The following HPSE2 variants were observed in gnomAD, a reference collection of about 807,000 sequenced individuals.
The protein encoded by HPSE2 is heparanase 2 (inactive).
In HPSE2, 38 loss-of-function variants were observed where a neutral mutation model predicts 60.5. The observed-to-expected ratio is 0.63, with a 90% CI of 0.48 to 0.82. The LOEUF is 0.82. Ranked by LOEUF, HPSE2 falls within the 40% of genes least tolerant of loss-of-function variation. HPSE2 has a pLI of 0.00. For synonymous variants in HPSE2, 295 were observed against 293.2 expected, an observed-to-expected ratio of 1.01 and a Z score of -0.06; for missense variants, 713 against 740.4, an observed-to-expected ratio of 0.96 and a Z score of 0.43.
At chr10:98,474,189 A>G (rs1220401062) in intron 11 of HPSE2, among the ~76,000 whole-genome samples, 1 of 152,204 alleles carries the variant, frequency 6.6e-6, no homozygotes, top group Non-Finnish European at 1.5e-5. Context: ...CCCAGAAACA[A>G]GTCTTCATAT....
At chr10:98,804,890 A>G (rs2134544132) in intron 3 of HPSE2, among the ~76,000 whole-genome samples, 1 of 152,294 alleles carries the variant, frequency 6.6e-6, no homozygotes, top group African/African-American at 2.4e-5. Context: ...CCAAGTGTCC[A>G]TAACATATAA....
At chr10:99,124,718 C>T (rs935323229) in intron 3 of HPSE2, among the ~76,000 whole-genome samples, 2 of 152,272 alleles carry the variant, frequency 1.3e-5, no homozygotes, top group African/African-American at 2.4e-5. Context: ...CAGGAGTAGG[C>T]ACTTCCGAGC....
At chr10:98,931,414 C>T (rs1230118203) in intron 3 of HPSE2, among the ~76,000 whole-genome samples, 1 of 144,042 alleles carries the variant, frequency 6.9e-6, no homozygotes. Context: ...ATGCCTCTGG[C>T]TTTGTTCTTT....
chr10:99,098,973 T>A (rs1410901538), intron 3 of HPSE2, among the ~76,000 whole-genome samples: 1 of 152,198 alleles, frequency 6.6e-6, no homozygotes, highest in Non-Finnish European at 1.5e-5. Context: ...ATCTCCTTTT[T>A]TTCAAAGCTT....
At chr10:98,534,719 G>T (rs1421421216) in intron 9 of HPSE2, among the ~76,000 whole-genome samples, 1 of 152,072 alleles carries the variant, frequency 6.6e-6, no homozygotes, top group African/African-American at 2.4e-5. Flanking sequence ...CATTAGTTTT[G>T]GCATCAAATA....
At chr10:99,239,418 GTTTTTTTTTT>G (rs760549054), upstream of HPSE2, among the ~76,000 whole-genome samples, 2 of 100,404 alleles carry the variant, frequency 2.0e-5, no homozygotes, top group East Asian at 2.6e-4. Context: ...GTTTGTCAAG[GTTTTTTTTTT>G]TTTTTTTTTT....
Position 98,707,135 on chromosome 10 carries a change from G to T in HPSE2, c.957-13188C>A, listed in dbSNP as rs182956493. Among the ~76,000 whole-genome samples, 171 of 151,854 alleles carry T rather than the reference G, an allele frequency of 1.1e-3. 3 individuals are homozygous for T. The highest frequency in any genetic ancestry group is 3.8e-3 in the African/African-American group (159 of 41,468). On this transcript the variant is annotated intron_variant, in intron 5 of 11. Transcript: ENST00000370552. ...GGCCCACTTTAGAAACACTGTTGGT[G>T]TGCTCAAGAGAAAGAAGGGAATGCC...
At chr10:98,531,889 A>T (rs1276341093) in intron 9 of HPSE2, among the ~76,000 whole-genome samples, 2 of 152,120 alleles carry the variant, frequency 1.3e-5, no homozygotes, top group Admixed American at 1.3e-4. Context: ...ACAAATGGGG[A>T]TCATAATACC....
chr10:98,877,237 A>G (rs555033317), intron 3 of HPSE2, among the ~76,000 whole-genome samples: 25 of 152,006 alleles, frequency 1.6e-4, no homozygotes, highest in Non-Finnish European at 3.4e-4. Flanking sequence ...ACAGTAGCAC[A>G]TATTAGCTTG....
intron 4 of HPSE2, among the ~76,000 whole-genome samples, chr10:98,729,233 G>A (rs11528126): frequency 0.15 from 22,202 of 151,970 alleles, 1,962 homozygotes; most frequent in Admixed American, 0.23. Context: ...TTATCAGACT[G>A]AATAAAAAAT....
chr10:98,615,012 C>G lies in HPSE2; in HGVS notation c.1212G>C (p.Leu404Phe). The G allele has an allele frequency of 6.2e-7, 1 of 1,611,660 alleles. No homozygotes were observed. Among genetic ancestry groups the G allele is most frequent in the African/African-American group, 1.3e-5 (1 of 74,950 alleles). Residue 404 changes from leucine (L) to phenylalanine (F), a missense_variant, in exon 9 of 12, where the codon TTG (leucine) becomes TTC (phenylalanine). Leu to Phe is a conservative substitution (Grantham distance 22). Transcript: ENST00000370552. Reference sequence around the variant, plus strand: ...GATTGGCCAGCATTCCTAAAGTGTTCAACCATCTAAAAGGCAGAGAAAAAG... The same window carrying G: ...GATTGGCCAGCATTCCTAAAGTGTTGAACCATCTAAAAGGCAGAGAAAAAG... ...SDSYAAGFLW[L>F]NTLGMLANQG...
At chr10:98,533,216 C>T (rs956287105) in intron 9 of HPSE2, among the ~76,000 whole-genome samples, 3 of 152,142 alleles carry the variant, frequency 2.0e-5, no homozygotes, top group African/African-American at 7.2e-5. Context: ...CAGCCAATGG[C>T]GAGGACTACA....
rs573744263 is a variant in HPSE2, at chr10:98,545,779, C to T, written c.1321-55583G>A. Among the ~76,000 whole-genome samples the T allele has an allele frequency of 2.6e-4, 40 of 151,372 alleles. No individual in the cohort carries two copies. In the East Asian group the frequency reaches 7.7e-3, roughly 29 times the overall value. ...GCCCTCTCTCACCACTCCTATTCAA[C>T]ATAGTGTTGGAAGTTCTGGCCAGGG... On this transcript the variant is annotated intron_variant, in intron 9 of 11. Transcript: ENST00000370552.
chr10:98,920,333 T>C (rs1333086692), intron 3 of HPSE2, among the ~76,000 whole-genome samples: 1 of 152,140 alleles, frequency 6.6e-6, no homozygotes, highest in Non-Finnish European at 1.5e-5. Context: ...CCTGCATCAC[T>C]GGCTGAAGGC....
intron 11 of HPSE2, among the ~76,000 whole-genome samples, chr10:98,476,225 A>T (rs1941010915): frequency 6.7e-6 from 1 of 149,314 alleles, no homozygotes; most frequent in Non-Finnish European, 1.5e-5. Flanking sequence ...ACACAAGGAC[A>T]AAAAACCAAA....
chr10:99,149,770 T>C (rs1449231577), intron 2 of HPSE2, among the ~76,000 whole-genome samples: 3 of 152,078 alleles, frequency 2.0e-5, no homozygotes, highest in East Asian at 3.9e-4. Context: ...ATACAAAGAA[T>C]AAAGACTCAA....
chr10:98,929,969 T>G (rs560643626), intron 3 of HPSE2, among the ~76,000 whole-genome samples: 1 of 143,840 alleles, frequency 7.0e-6, no homozygotes, highest in Admixed American at 6.9e-5. Context: ...CATGATCTCT[T>G]GTATATGAGT....
chr10:98,499,570 G>A (rs1941962283), intron 9 of HPSE2, among the ~76,000 whole-genome samples: 1 of 151,942 alleles, frequency 6.6e-6, no homozygotes, highest in Admixed American at 6.6e-5. Flanking sequence ...AAATCACACA[G>A]GACCTATAAA....
chr10:98,730,431 G>A (rs1308311607), intron 4 of HPSE2, among the ~76,000 whole-genome samples: 4 of 151,436 alleles, frequency 2.6e-5, no homozygotes, highest in Non-Finnish European at 4.4e-5. Flanking sequence ...AAAAAAGAAC[G>A]GAAAACTACA....
Sources: allele counts gnomAD v4.1 joint callset (sites outside exome capture counted in the v4.1 genomes callset), GRCh38; gene constraint gnomAD v4.1.1; transcripts MANE v1.5; gene names NCBI Gene and HGNC (gene_info 2026-07-23, HGNC 2026-07-21).